RGS21: variants seen among roughly 807,000 people sequenced by gnomAD.
RGS21 encodes the protein regulator of G-protein signalling 21.
In RGS21, 19 loss-of-function variants were observed where a neutral mutation model predicts 18.7. That is an observed-to-expected ratio of 1.01 (90% CI 0.71 to 1.49). The LOEUF is 1.49. Among genes scored for constraint, RGS21 ranks in the 40% most tolerant of loss-of-function variants. The probability of loss-of-function intolerance (pLI) is 0.00; values close to 1 mark genes in which losing one functional copy is unlikely to be tolerated. For synonymous variants in RGS21, 56 were observed against 57.8 expected (o/e 0.97, Z 0.14); for missense variants, 194 against 176.8 (o/e 1.10, Z -0.55).
chr1:192,317,581 A>G (rs1020122837), intron 1 of RGS21, among the ~76,000 whole-genome samples: 1 of 152,008 alleles, frequency 6.6e-6, no homozygotes, highest in African/African-American at 2.4e-5. Flanking sequence ...AATTATATAA[A>G]TAAAGAAAAT....
intron 1 of RGS21, among the ~76,000 whole-genome samples, chr1:192,334,240 G>C (rs1658732002): frequency 6.6e-6 from 1 of 152,086 alleles, no homozygotes; most frequent in African/African-American, 2.4e-5. Flanking sequence ...TTAATTTAAA[G>C]AGCGTACTTG....
chr1:192,328,151 A>C (rs1198682320), intron 1 of RGS21, among the ~76,000 whole-genome samples: 1 of 152,202 alleles, frequency 6.6e-6, no homozygotes, highest in Non-Finnish European at 1.5e-5. Context: ...TCATGGACAC[A>C]CGTGATTGAT....
intron 4 of RGS21, among the ~76,000 whole-genome samples, chr1:192,353,219 G>T (rs947008865): frequency 2.6e-5 from 4 of 151,900 alleles, no homozygotes; most frequent in Non-Finnish European, 5.9e-5. Context: ...GAGACATAAA[G>T]TTAGTTACCA....
chr1:192,350,864 A>G (rs759641523), intron 3 of RGS21, among the ~76,000 whole-genome samples: 1 of 152,184 alleles, frequency 6.6e-6, no homozygotes, highest in Non-Finnish European at 1.5e-5. Context: ...GATGAGGAAA[A>G]TAGAGAAGGA....
rs975632891 is a variant in RGS21, at chr1:192,366,787, G to T, written c.*663G>T. 6.6e-6 allele frequency: 1 copy of T among 151,934 alleles called. No homozygotes were observed. Among genetic ancestry groups the T allele is most frequent in the African/African-American group, 2.4e-5 (1 of 41,412 alleles). The allele number at this position is 151,934 out of a possible 1,614,324, so 9.4% of individuals were successfully genotyped here. A position where few individuals can be genotyped will look rare whatever the true frequency, so the allele number is the denominator to read the frequency against. ...TGTATGAAAAGGCCTCAAGGGTGGG[G>T]AATACTGATTTTCTTATGTTAACAG... On this transcript the variant is annotated 3_prime_UTR_variant, in exon 5 of 5. Coordinates refer to ENST00000417209, the MANE Select transcript of RGS21 (RefSeq NM_001039152.3).
chr1:192,360,092 A>G (rs1200467207), intron 4 of RGS21, among the ~76,000 whole-genome samples: 1 of 151,712 alleles, frequency 6.6e-6, no homozygotes, highest in African/African-American at 2.4e-5. Context: ...CTCCTCATCT[A>G]TTTTCTGCTT....
At chr1:192,348,655 T>C (rs10921133) in intron 3 of RGS21, among the ~76,000 whole-genome samples, 79,124 of 151,978 alleles carry the variant, frequency 0.52, 21,682 homozygotes, top group African/African-American at 0.65. Flanking sequence ...AACTTACATA[T>C]AAAATAATCA....
At chr1:192,345,799 T>C (rs1658936667) in intron 2 of RGS21, among the ~76,000 whole-genome samples, 1 of 152,104 alleles carries the variant, frequency 6.6e-6, no homozygotes, top group Non-Finnish European at 1.5e-5. Flanking sequence ...TTTTTAAGCA[T>C]GTGTATTTTA....
rs57015760 is a variant in RGS21, at chr1:192,327,191, G to C, written c.-61+10086G>C. Among the ~76,000 whole-genome samples, 302 of 152,124 alleles carry C rather than the reference G, an allele frequency of 2.0e-3. 1 individual carries two copies. The highest frequency in any genetic ancestry group is 7.1e-3 in the African/African-American group (293 of 41,510). On this transcript the variant is annotated intron_variant, in intron 1 of 4. Coordinates refer to ENST00000417209, the MANE Select transcript of RGS21 (RefSeq NM_001039152.3). Reference sequence around the variant, plus strand: ...CCAAACAGCATGTGACCTTAATAAAGAGGTGGATATGGGTATTACCAGGTG... The same window carrying C: ...CCAAACAGCATGTGACCTTAATAAACAGGTGGATATGGGTATTACCAGGTG...
At chr1:192,355,686 T>C (rs1307274437) in intron 4 of RGS21, among the ~76,000 whole-genome samples, 1 of 151,586 alleles carries the variant, frequency 6.6e-6, no homozygotes, top group Non-Finnish European at 1.5e-5. Context: ...CTTGTACTTA[T>C]TTTTGCTTCA....
At chr1:192,354,368 T>G (rs1659084522) in intron 4 of RGS21, among the ~76,000 whole-genome samples, 1 of 151,650 alleles carries the variant, frequency 6.6e-6, no homozygotes, top group South Asian at 2.1e-4. Context: ...GAGTCATATT[T>G]TATGAAAAGA....
chr1:192,336,805 A>G (rs1318815249), intron 1 of RGS21, among the ~76,000 whole-genome samples: 1 of 152,134 alleles, frequency 6.6e-6, no homozygotes, highest in African/African-American at 2.4e-5. Context: ...AAGCAAACTG[A>G]CCATGCCGGG....
At chr1:192,331,152 T>C (rs1173418205) in intron 1 of RGS21, among the ~76,000 whole-genome samples, 3 of 152,218 alleles carry the variant, frequency 2.0e-5, no homozygotes, top group Admixed American at 6.5e-5. Context: ...TTCTTGTTAA[T>C]GTCCGGCTGT....
intron 1 of RGS21, among the ~76,000 whole-genome samples, chr1:192,341,858 C>T (rs1449285512): frequency 6.7e-6 from 1 of 149,476 alleles, no homozygotes; most frequent in Non-Finnish European, 1.5e-5. Flanking sequence ...AAAATTAATA[C>T]TTCATTATCC....
intron 1 of RGS21, among the ~76,000 whole-genome samples, chr1:192,335,893 T>C (rs1483103618): frequency 6.6e-6 from 1 of 152,132 alleles, no homozygotes; most frequent in East Asian, 1.9e-4. Flanking sequence ...AACACCTGTG[T>C]TTTAGAAAAA....
chr1:192,347,382 C>A lies in RGS21; in HGVS notation c.81C>A (p.Ala27=). The A allele has an allele frequency of 6.4e-7, 1 of 1,571,228 alleles. No individual in the cohort carries two copies. Among genetic ancestry groups the A allele is most frequent in the Non-Finnish European group, 8.7e-7 (1 of 1,142,996 alleles). The change falls in exon 3 of 5, where the codon GCC becomes GCA. Residue 27 remains alanine (A), a synonymous_variant. Transcript: ENST00000417209. ...TWSENMDTLL[A]NQAGLDAFRI... ...CTGAAAATATGGACACGCTTTTAGC[C>A]AACCAAGGTAAGATTTAACTAATAA...
intron 2 of RGS21, among the ~76,000 whole-genome samples, chr1:192,346,501 T>A (rs1447990215): frequency 6.6e-6 from 1 of 152,122 alleles, no homozygotes; most frequent in Admixed American, 6.6e-5. Flanking sequence ...GTGGTTTTAT[T>A]TCTGGGCAGC....
chr1:192,330,476 G>T (rs1353013980), intron 1 of RGS21, among the ~76,000 whole-genome samples: 1 of 152,184 alleles, frequency 6.6e-6, no homozygotes, highest in Non-Finnish European at 1.5e-5. Context: ...TCAGGTTGAA[G>T]CCAGATTTTG....
At chr1:192,334,079 A>T (rs1377030438) in intron 1 of RGS21, among the ~76,000 whole-genome samples, 3 of 152,208 alleles carry the variant, frequency 2.0e-5, no homozygotes, top group Non-Finnish European at 4.4e-5. Flanking sequence ...TCATAATTAT[A>T]AAAAGATGTA....
Sources: allele counts gnomAD v4.1 joint callset (sites outside exome capture counted in the v4.1 genomes callset), GRCh38; gene constraint gnomAD v4.1.1; transcripts MANE v1.5; gene names NCBI Gene and HGNC (gene_info 2026-07-23, HGNC 2026-07-21).